Variants in RAPGEF4 observed in about 807,000 individuals in gnomAD.
RAPGEF4 encodes the protein RAP guanine-nucleotide-exchange factor (GEF) 4.
RAPGEF4 carries 66 observed loss-of-function variants against 147.9 expected under a neutral mutation model. The observed-to-expected ratio is 0.45, with a 90% CI of 0.37 to 0.55. The LOEUF (loss-of-function observed/expected upper bound fraction) is 0.55. Ranked by LOEUF, RAPGEF4 falls within the 20% of genes least tolerant of loss-of-function variation. The pLI is 0.00. For missense variants in RAPGEF4, 1,071 were observed against 1,257.3 expected (o/e 0.85, Z 2.24); for synonymous variants, 419 against 442.7 (o/e 0.95, Z 0.67).
chr2:172,985,421 T>C lies in RAPGEF4; in HGVS notation c.1090-12T>C. On this transcript the variant is annotated splice_polypyrimidine_tract_variant and intron_variant, in intron 11 of 30. Transcript: ENST00000397081. ...ATGTGGCCTTTGCATGTTTCTTCTG[T>C]TTTTCTTCTAGGTGAAACGAGAGTT... 1 of 1,613,878 alleles carries C rather than the reference T, an allele frequency of 6.2e-7. No individual in the cohort carries two copies. Among genetic ancestry groups the C allele is most frequent in the Non-Finnish European group, 8.5e-7 (1 of 1,179,956 alleles).
chr2:172,915,703 C>CAAA (rs10676347), intron 4 of RAPGEF4, among the ~76,000 whole-genome samples: 104,216 of 113,762 alleles, frequency 0.92, 47,773 homozygotes, highest in Non-Finnish European at 0.95. Context: ...GACCCTGTCT[C>CAAA]AAAAAAAAAA....
At chr2:172,825,451 A>G (rs1182707674) in intron 4 of RAPGEF4, among the ~76,000 whole-genome samples, 2 of 152,242 alleles carry the variant, frequency 1.3e-5, no homozygotes, top group African/African-American at 4.8e-5. Flanking sequence ...TGTGTCCAAT[A>G]TAACAGGCAT....
chr2:172,821,875 A>G (rs1336260494), intron 4 of RAPGEF4: 1 of 1,594,006 alleles, frequency 6.3e-7, no homozygotes, highest in African/African-American at 1.3e-5. Context: ...CAGGGAATGA[A>G]CGGCAATGAA....
At chr2:172,828,149 T>C (rs1362952241) in intron 4 of RAPGEF4, among the ~76,000 whole-genome samples, 1 of 151,958 alleles carries the variant, frequency 6.6e-6, no homozygotes, top group Non-Finnish European at 1.5e-5. Flanking sequence ...AAATAAATAT[T>C]AAAGTGAGAT....
chr2:172,880,749 C>T (rs1277862284), intron 4 of RAPGEF4, among the ~76,000 whole-genome samples: 1 of 152,198 alleles, frequency 6.6e-6, no homozygotes, highest in African/African-American at 2.4e-5. Context: ...CTGCTTGTGC[C>T]TCAGTTTCCT....
At position 173,024,225 on chromosome 2, in the gene RAPGEF4, T is replaced by A. The variant is rs779322707; in HGVS notation, c.2254-2347T>A. Among the ~76,000 whole-genome samples, 1,053 of 139,552 alleles carry A rather than the reference T, an allele frequency of 7.5e-3. 52 individuals are homozygous for A. Among genetic ancestry groups the A allele is most frequent in the East Asian group, 0.014 (65 of 4,600 alleles). The allele number at this position is 139,552 out of a possible 152,430, so 91.6% of individuals were successfully genotyped here. A position where few individuals can be genotyped will look rare whatever the true frequency, so the allele number is the denominator to read the frequency against. On this transcript the variant is annotated intron_variant, in intron 23 of 30. Transcript: ENST00000397081. The stretch of plus-strand genomic sequence containing the variant: ...GCACTTCTTTTTTTTATTATTTTTT[T>A]TTTTTTTTTTGAGACGGAGTCTCGC...
chr2:172,832,544 T>C (rs1201950134), intron 4 of RAPGEF4, among the ~76,000 whole-genome samples: 1 of 152,230 alleles, frequency 6.6e-6, no homozygotes, highest in Non-Finnish European at 1.5e-5. Flanking sequence ...ATAAATTTGT[T>C]TATCTGTGGT....
intron 1 of RAPGEF4, among the ~76,000 whole-genome samples, chr2:172,794,504 G>C (rs1342081360): frequency 2.6e-5 from 4 of 152,166 alleles, no homozygotes; most frequent in African/African-American, 7.2e-5. Flanking sequence ...GCTCCCTGCG[G>C]ACAGTCCCGT....
chr2:172,970,813 A>T (rs565627784), intron 10 of RAPGEF4, among the ~76,000 whole-genome samples: 9 of 152,332 alleles, frequency 5.9e-5, no homozygotes, highest in African/African-American at 1.9e-4. Context: ...ATTGAAAAAA[A>T]ACACATACAT....
Position 172,985,440 on chromosome 2 carries a change from G to A in RAPGEF4, c.1097G>A (p.Arg366Gln), listed in dbSNP as rs1295203082. 4 of 1,613,918 alleles carry A rather than the reference G, an allele frequency of 2.5e-6. No individual in the cohort carries two copies. The highest frequency in any genetic ancestry group is 3.4e-6 in the Non-Finnish European group (4 of 1,179,930). ...CTTCTGTTTTTCTTCTAGGTGAAAC[G>A]AGAGTTAGCAGGTGTTCTCATTTTT... is the stretch of plus-strand genomic sequence containing the variant. ...ALSHLSTTVK[R>Q]ELAGVLIFES... Residue 366 changes from arginine (R) to glutamine (Q), a missense_variant, in exon 12 of 31, where the codon CGA becomes CAA. Transcript: ENST00000397081.
At position 172,750,968 on chromosome 2, in the gene RAPGEF4, G is replaced by C. The variant is rs572590764; in HGVS notation, c.65+14920G>C. Among the ~76,000 whole-genome samples, 6 of 152,228 alleles carry C rather than the reference G, an allele frequency of 3.9e-5. No homozygotes were observed. The South Asian group carries it at 1.2e-3, about 32-fold the overall frequency. ...TTTTTATTGTATTGATTGTTTTGCT[G>C]TGCAGTCATTAGTTATTTACTGGAC... On this transcript the variant is annotated intron_variant, in intron 1 of 30. Coordinates refer to ENST00000397081, the MANE Select transcript of RAPGEF4 (RefSeq NM_007023.4).
chr2:172,940,191 C>T (rs1395065085), intron 6 of RAPGEF4, among the ~76,000 whole-genome samples: 1 of 152,052 alleles, frequency 6.6e-6, no homozygotes, highest in African/African-American at 2.4e-5. Context: ...CCGAGTTCTA[C>T]TGTTTTCATC....
chr2:173,026,840 C>T (rs1696709439), intron 24 of RAPGEF4, 143 bp downstream of exon 24: 2 of 1,202,838 alleles, frequency 1.7e-6, no homozygotes, highest in Non-Finnish European at 2.3e-6. Flanking sequence ...ATAAATAAAG[C>T]ATGCTATAAA....
intron 4 of RAPGEF4, chr2:172,893,726 G>T (rs1006230083): frequency 6.6e-6 from 1 of 152,190 alleles, no homozygotes; most frequent in African/African-American, 2.4e-5. Flanking sequence ...AGGAATGCCT[G>T]CAATTCTTGA....
At chr2:172,736,663 A>ACTCCC (rs1336142561) in intron 1 of RAPGEF4, among the ~76,000 whole-genome samples, 8 of 152,198 alleles carry the variant, frequency 5.3e-5, no homozygotes, top group African/African-American at 1.9e-4. Flanking sequence ...AAAATAATTA[A>ACTCCC]AACCATAAAG....
At chr2:172,812,700 A>G (rs533619841) in intron 3 of RAPGEF4, among the ~76,000 whole-genome samples, 2 of 152,332 alleles carry the variant, frequency 1.3e-5, no homozygotes, top group East Asian at 1.9e-4. Flanking sequence ...GGATGATGTC[A>G]GTGGTATTAC....
At chr2:173,044,776 T>A (rs1346723834) in intron 29 of RAPGEF4, among the ~76,000 whole-genome samples, 12 of 152,192 alleles carry the variant, frequency 7.9e-5, no homozygotes, top group Admixed American at 7.2e-4. Context: ...ATGTGGGGCA[T>A]GTTTGCCCCA....
chr2:172,794,347 C>CAAAAAAA (rs59850502), intron 1 of RAPGEF4, among the ~76,000 whole-genome samples: 57 of 101,570 alleles, frequency 5.6e-4, no homozygotes, highest in Admixed American at 8.6e-4. Flanking sequence ...AACTCCATCT[C>CAAAAAAA]AAAAAAAAAA....
chr2:173,018,980 C>A (rs921635599), intron 22 of RAPGEF4, among the ~76,000 whole-genome samples, 178 bp downstream of exon 22: 1 of 152,162 alleles, frequency 6.6e-6, no homozygotes, highest in Non-Finnish European at 1.5e-5. Flanking sequence ...TTTCTAATGT[C>A]CCCTATCTGG....
Sources: allele counts gnomAD v4.1 joint callset (sites outside exome capture counted in the v4.1 genomes callset), GRCh38; gene constraint gnomAD v4.1.1; transcripts MANE v1.5; gene names NCBI Gene and HGNC (gene_info 2026-07-23, HGNC 2026-07-21).